PTPRD: variants seen among roughly 807,000 people sequenced by gnomAD.
PTPRD encodes the protein protein tyrosine phosphatase receptor type D.
In PTPRD, 34 loss-of-function variants were observed where a neutral mutation model predicts 214.5. The observed-to-expected ratio is 0.16, with a 90% confidence interval of 0.12 to 0.21. The LOEUF is 0.21. Among genes scored for constraint, PTPRD ranks in the 10% least tolerant of loss-of-function variants. The probability of loss-of-function intolerance (pLI) is 1.00; values close to 1 mark genes in which losing one functional copy is unlikely to be tolerated. For synonymous variants in PTPRD, 1,128 were observed against 845.7 expected (o/e 1.33, Z -5.79); for missense variants, 2,545 against 2,398.7 (o/e 1.06, Z -1.27).
At chr9:10,216,810 T>A (rs2099543451) in intron 3 of PTPRD, among the ~76,000 whole-genome samples, 1 of 152,130 alleles carries the variant, frequency 6.6e-6, no homozygotes, top group East Asian at 1.9e-4. Flanking sequence ...CACTTCTATC[T>A]CTTTCTAATT....
chr9:10,343,756 G>C (rs557513019), intron 2 of PTPRD, among the ~76,000 whole-genome samples: 3 of 151,860 alleles, frequency 2.0e-5, no homozygotes, highest in Non-Finnish European at 4.4e-5. Context: ...TCATGTGTCT[G>C]TTGGCTGCAT....
intron 8 of PTPRD, among the ~76,000 whole-genome samples, chr9:9,408,277 G>A (rs2074236364): frequency 6.6e-6 from 1 of 151,744 alleles, no homozygotes; most frequent in Admixed American, 6.6e-5. Flanking sequence ...GAATCAGCTG[G>A]AAACTGCACT....
intron 8 of PTPRD, among the ~76,000 whole-genome samples, chr9:9,542,792 C>A (rs2077903296): frequency 6.6e-6 from 1 of 151,568 alleles, no homozygotes; most frequent in Non-Finnish European, 1.5e-5. Flanking sequence ...TGCTTAAAAT[C>A]AACAATACAA....
chr9:10,208,126 C>G (rs935816025), intron 3 of PTPRD, among the ~76,000 whole-genome samples: 2 of 152,196 alleles, frequency 1.3e-5, no homozygotes, highest in Non-Finnish European at 2.9e-5. Context: ...GTAATGAGGA[C>G]TTTGCTGTTA....
intron 4 of PTPRD, among the ~76,000 whole-genome samples, chr9:9,942,342 T>C (rs775031727): frequency 6.6e-6 from 1 of 152,192 alleles, no homozygotes; most frequent in East Asian, 1.9e-4. Flanking sequence ...ATCATCTTCA[T>C]TATTTTCAGC....
At chr9:8,955,479 C>A (rs1295928265) in intron 11 of PTPRD, among the ~76,000 whole-genome samples, 1 of 151,812 alleles carries the variant, frequency 6.6e-6, no homozygotes, top group Non-Finnish European at 1.5e-5. Flanking sequence ...AAGACAATCA[C>A]CAGCATAAAT....
chr9:9,642,295 T>C (rs2154366776), intron 7 of PTPRD, among the ~76,000 whole-genome samples: 1 of 140,122 alleles, frequency 7.1e-6, no homozygotes, highest in African/African-American at 2.7e-5. Context: ...GGGATAGCAT[T>C]GGGAGATATA....
intron 21 of PTPRD, among the ~76,000 whole-genome samples, chr9:8,516,798 C>CTTTTTATTTTTTTT (rs2097787986): frequency 9.3e-6 from 1 of 107,892 alleles, no homozygotes; most frequent in Non-Finnish European, 1.8e-5. Context: ...CAAGAATAAA[C>CTTTTTATTTTTTTT]TTTTTTTTTT....
At chr9:9,720,373 T>G (rs6477406) in intron 7 of PTPRD, among the ~76,000 whole-genome samples, 65,407 of 151,858 alleles carry the variant, frequency 0.43, 16,555 homozygotes, top group African/African-American at 0.7. Context: ...ACATAAAGAG[T>G]TTACTGGAGA....
In PTPRD at chr9:8,456,546, G is replaced by T. The variant is rs2096210290; in HGVS notation, c.3875+3865C>A. ...GCAGCTTCCAGTATGGTTGGGTGTG[G>T]CCACATATTTCTTCATAGCATCTCA... On this transcript the variant is annotated intron_variant, in intron 33 of 45. Coordinates refer to ENST00000381196, the MANE Select transcript of PTPRD (RefSeq NM_002839.4). 5.9e-5 allele frequency among the ~76,000 whole-genome samples: 9 copies of T among 152,088 alleles called. No homozygotes were observed. The South Asian group carries it at 1.9e-3, about 32-fold the overall frequency.
chr9:8,521,870 T>C (rs1439784698), intron 19 of PTPRD, among the ~76,000 whole-genome samples: 8 of 152,048 alleles, frequency 5.3e-5, no homozygotes, highest in Non-Finnish European at 1.5e-5. Flanking sequence ...CAAAAACATA[T>C]ACATGCAGGC....
intron 8 of PTPRD, among the ~76,000 whole-genome samples, chr9:9,403,290 C>CAAA (rs56105335): frequency 0.19 from 11,484 of 60,496 alleles, 1,788 homozygotes; most frequent in Middle Eastern, 0.29. Context: ...TACTCTGTCT[C>CAAA]AAAAAAAAAA....
In PTPRD at chr9:8,540,828, T is replaced by C. The variant is rs527657012; in HGVS notation, c.353-12049A>G. On this transcript the variant is annotated intron_variant, in intron 14 of 45. Transcript: ENST00000381196. Reference sequence around the variant, plus strand: ...AGCAAGAGGAACAAAATAAAGTGACTCAGATATGTCTAAATAATTTTTCTA... The same window carrying C: ...AGCAAGAGGAACAAAATAAAGTGACCCAGATATGTCTAAATAATTTTTCTA... Among the ~76,000 whole-genome samples the C allele has an allele frequency of 3.3e-5, 5 of 152,276 alleles. No individual in the cohort carries two copies. In the South Asian group the frequency reaches 1.0e-3, roughly 32 times the overall value.
At chr9:10,327,017 G>A (rs2096655282) in intron 3 of PTPRD, among the ~76,000 whole-genome samples, 1 of 151,250 alleles carries the variant, frequency 6.6e-6, no homozygotes, top group Admixed American at 6.6e-5. Flanking sequence ...TAATTTTTTT[G>A]TGGTTGTTTA....
chr9:9,940,345 T>C (rs557859461), intron 4 of PTPRD, among the ~76,000 whole-genome samples: 1 of 152,206 alleles, frequency 6.6e-6, no homozygotes, highest in African/African-American at 2.4e-5. Context: ...CAAACCTCAC[T>C]GGAAGCCTGA....
chr9:9,211,529 A>G (rs1340135080), intron 9 of PTPRD, among the ~76,000 whole-genome samples: 6 of 115,526 alleles, frequency 5.2e-5, no homozygotes, highest in African/African-American at 1.1e-4. Flanking sequence ...ACACACACAC[A>G]CACACACACA....
chr9:9,370,033 G>C (rs1221334831), intron 9 of PTPRD, among the ~76,000 whole-genome samples: 2 of 152,158 alleles, frequency 1.3e-5, no homozygotes, highest in Non-Finnish European at 1.5e-5. Context: ...ATAGTTTGAA[G>C]TCAGGTAGCG....
At chr9:9,702,520 G>A (rs990713035) in intron 7 of PTPRD, among the ~76,000 whole-genome samples, 1 of 152,164 alleles carries the variant, frequency 6.6e-6, no homozygotes, top group Non-Finnish European at 1.5e-5. Context: ...TATATATGCT[G>A]AAGTGGTTAT....
chr9:9,965,710 G>A (rs1417460031), intron 4 of PTPRD, among the ~76,000 whole-genome samples: 2 of 152,174 alleles, frequency 1.3e-5, no homozygotes, highest in Non-Finnish European at 2.9e-5. Flanking sequence ...TTGGCTGTAA[G>A]TGTTGGGTAA....
Sources: gnomAD v4.1 joint callset for allele counts (sites outside exome capture counted in the v4.1 genomes callset) on GRCh38, gnomAD v4.1.1 for gene constraint, MANE v1.5 for transcripts, NCBI Gene and HGNC (gene_info 2026-07-23, HGNC 2026-07-21) for gene names.